APP: variants seen among roughly 807,000 people sequenced by gnomAD.
APP encodes amyloid beta precursor protein, also known as amyloid-beta precursor protein.
APP carries 31 observed loss-of-function variants against 101.4 expected under a neutral mutation model. The observed-to-expected ratio is 0.31, with a 90% CI of 0.23 to 0.41. The LOEUF (loss-of-function observed/expected upper bound fraction) is 0.41. APP is among the 10% of genes least tolerant of loss of function. APP has a pLI of 1.00. For synonymous variants in APP, 366 were observed against 364.4 expected, an observed-to-expected ratio of 1.00 and a Z score of -0.05; for missense variants, 839 against 1,003.7, an observed-to-expected ratio of 0.84 and a Z score of 2.22.
chr21:25,943,743 T>C (rs2040682911), intron 13 of APP, among the ~76,000 whole-genome samples: 1 of 152,228 alleles, frequency 6.6e-6, no homozygotes, highest in African/African-American at 2.4e-5. Context: ...CTATCACATA[T>C]ACACTTGTGA....
intron 1 of APP, among the ~76,000 whole-genome samples, chr21:26,156,434 T>C (rs771664423): frequency 3.9e-5 from 6 of 152,078 alleles, no homozygotes; most frequent in Admixed American, 1.3e-4. Flanking sequence ...GAGTCGAGAG[T>C]GAGTACTCAA....
intron 2 of APP, among the ~76,000 whole-genome samples, chr21:26,096,222 A>G (rs2061939193): frequency 6.6e-6 from 1 of 152,206 alleles, no homozygotes; most frequent in Admixed American, 6.5e-5. Context: ...GTTTTCTGGT[A>G]TTTATCAGTG....
At chr21:25,950,085 G>A (rs2040998504) in intron 13 of APP, among the ~76,000 whole-genome samples, 1 of 152,150 alleles carries the variant, frequency 6.6e-6, no homozygotes, top group Non-Finnish European at 1.5e-5. Context: ...CCTTGAGTGG[G>A]ATGTAGAATA....
chr21:26,165,764 C>A (rs61061545), intron 1 of APP, among the ~76,000 whole-genome samples: 160 of 152,262 alleles, frequency 1.1e-3, no homozygotes, highest in African/African-American at 3.7e-3. Context: ...ACAAAATAAA[C>A]CTAAATAAAA....
intron 14 of APP, among the ~76,000 whole-genome samples, chr21:25,911,287 C>A (rs1035874394): frequency 2.0e-5 from 3 of 152,084 alleles, no homozygotes; most frequent in Admixed American, 2.0e-4. Flanking sequence ...ATGTTATTGC[C>A]ACACATTTTC....
intron 2 of APP, among the ~76,000 whole-genome samples, chr21:26,097,206 C>T (rs539985076): frequency 1.4e-4 from 21 of 152,190 alleles, no homozygotes; most frequent in Non-Finnish European, 2.6e-4. Context: ...CTGCATCCTC[C>T]ACTTGCCTTG....
intron 6 of APP, among the ~76,000 whole-genome samples, chr21:26,001,491 A>T (rs566830625): frequency 6.6e-6 from 1 of 152,188 alleles, no homozygotes; most frequent in African/African-American, 2.4e-5. Flanking sequence ...ATTACTTCCA[A>T]GTTAGGAATA....
At chr21:25,893,239 C>A (rs917274236) in intron 16 of APP, among the ~76,000 whole-genome samples, 6 of 152,102 alleles carry the variant, frequency 3.9e-5, no homozygotes, top group Admixed American at 3.9e-4. Flanking sequence ...GGCCACTCCA[C>A]CCCCTCAACT....
At chr21:25,932,997 A>G (rs536219657) in intron 13 of APP, among the ~76,000 whole-genome samples, 1 of 152,382 alleles carries the variant, frequency 6.6e-6, no homozygotes, top group East Asian at 1.9e-4. Context: ...ATTGATACAT[A>G]ATAGATGTGC....
chr21:26,038,153 T>A (rs1430080839), intron 5 of APP, among the ~76,000 whole-genome samples: 1 of 152,074 alleles, frequency 6.6e-6, no homozygotes, highest in African/African-American at 2.4e-5. Flanking sequence ...CTAGTCCTTT[T>A]TGCTTCCCTA....
intron 8 of APP, among the ~76,000 whole-genome samples, chr21:25,992,337 G>A (rs1299140280): frequency 1.3e-5 from 2 of 150,974 alleles, no homozygotes; most frequent in Admixed American, 1.3e-4. Context: ...GCAGTGAGCC[G>A]AGATCACGCC....
chr21:26,000,090 A>G lies in APP; in HGVS notation c.958T>C (p.Phe320Leu). The G allele has an allele frequency of 2.5e-6, 4 of 1,614,206 alleles. No individual in the cohort carries two copies. Among genetic ancestry groups the G allele is most frequent in the Non-Finnish European group, 2.5e-6 (3 of 1,180,022 alleles). The change falls in exon 7 of 18, where the codon TTT becomes CTT. Residue 320 changes from phenylalanine to leucine, a missense_variant. Physicochemically the swap from Phe to Leu is conservative, Grantham distance 22. Coordinates refer to ENST00000346798, the MANE Select transcript of APP (RefSeq NM_000484.4). ...DVTEGKCAPF[F>L]YGGCGGNRNN... ...CGGTTGCCGCCACATCCGCCGTAAA[A>G]GAATGGGGCACACTTCCCTTCAGTC...
At chr21:25,964,657 T>A (rs2041720387) in intron 11 of APP, among the ~76,000 whole-genome samples, 1 of 150,718 alleles carries the variant, frequency 6.6e-6, no homozygotes, top group African/African-American at 2.4e-5. Context: ...TTATACAGGC[T>A]GGAGTACAAT....
intron 15 of APP, 76 bp downstream of exon 15, chr21:25,904,948 A>G: frequency 7.7e-7 from 1 of 1,305,336 alleles, no homozygotes; most frequent in East Asian, 2.4e-5. Context: ...AGAGGCTTAA[A>G]ATGCAGAAAG....
chr21:26,065,045 G>C (rs1463037354), intron 3 of APP, among the ~76,000 whole-genome samples: 1 of 152,128 alleles, frequency 6.6e-6, no homozygotes, highest in African/African-American at 2.4e-5. Context: ...GTAGAGACGG[G>C]GTTTTGCCAC....
Position 25,997,382 on chromosome 21 carries a change from A to G in APP, c.1068T>C (p.Pro356=). The G allele has an allele frequency of 6.2e-7, 1 of 1,613,956 alleles. No individual in the cohort carries two copies. The highest frequency in any genetic ancestry group is 1.6e-4 in the Middle Eastern group (1 of 6,062). The change falls in exon 8 of 18, where the codon CCT becomes CCC. Residue 356 remains proline (P), a synonymous_variant. Transcript: ENST00000346798. ...TACGTTTAACAGGATCTCGGGCAAG[A>G]GGTTCCTGGGTAGTCTTGAGTAAAC... is the stretch of plus-strand genomic sequence containing the variant. ...SQSLLKTTQE[P]LARDPVKLPT...
chr21:25,894,586 G>A (rs1258859511), intron 16 of APP, among the ~76,000 whole-genome samples: 1 of 152,196 alleles, frequency 6.6e-6, no homozygotes, highest in Non-Finnish European at 1.5e-5. Flanking sequence ...AAGAGAACTA[G>A]AATTAGAAGT....
At chr21:26,036,299 G>T in intron 5 of APP, among the ~76,000 whole-genome samples, 1 of 137,994 alleles carries the variant, frequency 7.2e-6, no homozygotes, top group Non-Finnish European at 1.6e-5. Flanking sequence ...TGGGGGGTGG[G>T]CACTCCTAAA....
At chr21:25,897,506 GAACCAGAGTTAATAGGTCA>G in intron 16 of APP, 48 bp downstream of exon 16, 1 of 1,164,530 alleles carries the variant, frequency 8.6e-7, no homozygotes, top group Non-Finnish European at 1.3e-6. Flanking sequence ...AGCACAGGAT[GAACCAGAGTTAATAGGTCA>G]TTTGGCAAGA....
Sources: gnomAD v4.1 joint callset for allele counts (sites outside exome capture counted in the v4.1 genomes callset) on GRCh38, gnomAD v4.1.1 for gene constraint, MANE v1.5 for transcripts, NCBI Gene and HGNC (gene_info 2026-07-23, HGNC 2026-07-21) for gene names.